Variants in GNAS observed in about 807,000 individuals in gnomAD.
GNAS encodes the protein GNAS complex locus.
In GNAS, 8 loss-of-function variants were observed where a neutral mutation model predicts 54.5. That is an observed-to-expected ratio of 0.15 (90% confidence interval 0.09 to 0.26). The LOEUF (loss-of-function observed/expected upper bound fraction) is 0.26. Among genes scored for constraint, GNAS ranks in the 10% least tolerant of loss-of-function variants. The pLI is 1.00. For missense variants in GNAS, 170 were observed against 529.8 expected (o/e 0.32, Z 6.67); for synonymous variants, 204 against 191.4 (o/e 1.07, Z -0.54).
At chr20:58,896,518 C>A (rs1406861722) in intron 2 of GNAS, among the ~76,000 whole-genome samples, 1 of 151,924 alleles carries the variant, frequency 6.6e-6, no homozygotes, top group Admixed American at 6.6e-5. Flanking sequence ...CCCTGCCTGG[C>A]ATGGGGAATG....
chr20:58,855,102 G>A (rs772491045), intron 1 of GNAS: 8 of 1,613,524 alleles, frequency 5.0e-6, no homozygotes, highest in Non-Finnish European at 6.8e-6. Context: ...CAACTTTCTC[G>A]TGCAAGCCTT....
Position 58,891,493 on chromosome 20 carries a change from G to C in GNAS, c.-234G>C, listed in dbSNP as rs2089303129. ...CCATCAGCCCCCTCGGCCTCGGCTC[G>C]AGGGGCGGGGAGCTGCGCGCGCCCC... On this transcript the variant is annotated 5_prime_UTR_variant, in exon 1 of 13. Transcript: ENST00000371085. 6 of 968,034 alleles carry C rather than the reference G, an allele frequency of 6.2e-6. No individual in the cohort carries two copies. The highest frequency in any genetic ancestry group is 7.3e-6 in the Non-Finnish European group (6 of 817,078). 60.0% of individuals were successfully genotyped at this position (968,034 alleles called of 1,614,324 possible).
Position 58,873,727 on chromosome 20 carries a change from G to GT in GNAS, c.44-21884dup, listed in dbSNP as rs1166557256. 1.3e-5 allele frequency among the ~76,000 whole-genome samples: 2 copies of GT among 152,172 alleles called. No individual in the cohort carries two copies. Among genetic ancestry groups the GT allele is most frequent in the African/African-American group, 4.8e-5 (2 of 41,434 alleles). On this transcript the variant is annotated intron_variant, in intron 1 of 12. Transcript: ENST00000306090. This position sits in a 1 kb window ranked among gnomAD's most constrained non-coding sequence, Gnocchi z 4.3. ...ATTTGTTCATTCATTCGATATACAT[G>GT]TATTGAGTGCCAAATATGTGCCCTT...
In GNAS at chr20:58,903,651, G is replaced by GA. The variant is rs2090844894; in HGVS notation, c.313-21_313-20insA. On this transcript the variant is annotated intron_variant, in intron 4 of 12. Transcript: ENST00000371085. The stretch of plus-strand genomic sequence containing the variant: ...TCCCAGCCAGTGCTGTTCCCTGACC[G>GA]CTTTGCTAAATCATTTTCAGACCAT... 4 of 1,613,916 alleles carry GA rather than the reference G, an allele frequency of 2.5e-6. No homozygotes were observed. Among genetic ancestry groups the GA allele is most frequent in the Non-Finnish European group, 3.4e-6 (4 of 1,180,002 alleles).
upstream of GNAS, chr20:58,840,077 A>C (rs1339739956): frequency 1.9e-6 from 3 of 1,607,336 alleles, no homozygotes; most frequent in Admixed American, 5.0e-5. This position sits in a 1 kb window ranked among gnomAD's most constrained non-coding sequence, Gnocchi z 6.0. Flanking sequence ...GCCAGAGGGC[A>C]GGCCGGCTTC....
At chr20:58,898,024 G>GT (rs2090230013) in intron 2 of GNAS, 1 of 152,176 alleles carries the variant, frequency 6.6e-6, no homozygotes. Context: ...ATTTTTAAGA[G>GT]TAAGATAATA....
intron 1 of GNAS, among the ~76,000 whole-genome samples, chr20:58,894,928 A>G (rs1168801985): frequency 6.6e-6 from 1 of 152,206 alleles, no homozygotes; most frequent in East Asian, 1.9e-4. Context: ...TTTCCTCAGC[A>G]ACATAGTTGT....
At chr20:58,868,453 T>A (rs2087204196) in intron 1 of GNAS, among the ~76,000 whole-genome samples, 1 of 139,144 alleles carries the variant, frequency 7.2e-6, no homozygotes, top group Non-Finnish European at 1.5e-5. Context: ...CGCAGCCAGC[T>A]TTTTTTTTTT....
At chr20:58,848,733 G>A (rs937651111) in intron 1 of GNAS, 36 of 393,074 alleles carry the variant, frequency 9.2e-5, no homozygotes, top group Middle Eastern at 1.3e-3. Flanking sequence ...CCCACTAGCC[G>A]ATCACCCCCA....
At chr20:58,878,658 T>C (rs995770917) in intron 1 of GNAS, among the ~76,000 whole-genome samples, 1 of 152,174 alleles carries the variant, frequency 6.6e-6, no homozygotes, top group Non-Finnish European at 1.5e-5. Flanking sequence ...GTGGTGATTC[T>C]GCCTGCTACA....
At chr20:58,898,793 A>G (rs957396679) in intron 2 of GNAS, 148 bp from the exon 3 acceptor site, 9 of 791,130 alleles carry the variant, frequency 1.1e-5, no homozygotes, top group African/African-American at 1.0e-4. Flanking sequence ...AAGGCGACCT[A>G]AGAATTGCCG....
intron 1 of GNAS, among the ~76,000 whole-genome samples, chr20:58,878,912 T>TGGGGGGGGGTGGGGGGGGGGGGGGGG (rs11086659): frequency 1.0e-5 from 1 of 95,324 alleles, no homozygotes; most frequent in Non-Finnish European, 2.2e-5. Flanking sequence ...GGGGTGCGGG[T>TGGGGGGGGGTGGGGGGGGGGGGGGGG]GGGGGGGGGA....
At chr20:58,854,505 G>A (rs775726721) in intron 1 of GNAS, 1 of 1,575,896 alleles carries the variant, frequency 6.3e-7, no homozygotes, top group Non-Finnish European at 8.6e-7. Context: ...TCCCGACTCC[G>A]GGACAGCACC....
At chr20:58,891,909 G>T (rs770793039) in intron 1 of GNAS, 44 bp downstream of exon 1, 1 of 983,366 alleles carries the variant, frequency 1.0e-6, no homozygotes. Flanking sequence ...GGGGGCCCTC[G>T]AAGGGCGCCC....
chr20:58,909,504 GTCC>G lies in GNAS; in HGVS notation c.660-10_660-8del, dbSNP rs756095356. ...CCCAGTCCCTCTGGAATAACCAGCT[GTCC>G]TCCTCCCCACCAGCATGTTTGACGT... is the stretch of plus-strand genomic sequence containing the variant. On this transcript the variant is annotated splice_polypyrimidine_tract_variant and intron_variant, in intron 8 of 12. Coordinates refer to ENST00000371085, the MANE Select transcript of GNAS (RefSeq NM_000516.7). The surrounding 1 kb of genome is among the most constrained non-coding windows in gnomAD (Gnocchi z 7.3). The G allele has an allele frequency of 6.2e-7, 1 of 1,613,906 alleles. No individual in the cohort carries two copies. The highest frequency in any genetic ancestry group is 1.1e-5 in the South Asian group (1 of 91,080).
intron 1 of GNAS, among the ~76,000 whole-genome samples, chr20:58,868,249 T>C (rs1250811554): frequency 6.6e-6 from 1 of 151,938 alleles, no homozygotes; most frequent in African/African-American, 2.4e-5. Context: ...AAACTCCCGA[T>C]CTCAGGTGAT....
chr20:58,890,488 T>C (rs2089086063), upstream of GNAS, among the ~76,000 whole-genome samples: 1 of 151,820 alleles, frequency 6.6e-6, no homozygotes, highest in African/African-American at 2.4e-5. Flanking sequence ...CTCGTGGTGT[T>C]CCTGGTCTTC....
In GNAS at chr20:58,909,270, C is replaced by G. The variant is rs1490619350; in HGVS notation, c.585+54C>G. 3.2e-6 allele frequency: 5 copies of G among 1,585,326 alleles called. No individual in the cohort carries two copies. Among genetic ancestry groups the G allele is most frequent in the Non-Finnish European group, 3.5e-6 (4 of 1,153,840 alleles). On this transcript the variant is annotated intron_variant, in intron 7 of 12. Coordinates refer to ENST00000371085, the MANE Select transcript of GNAS (RefSeq NM_000516.7). The surrounding 1 kb of genome is among the most constrained non-coding windows in gnomAD (Gnocchi z 7.3). ...CTCTGAGCCCTCTTTCCAAACTACT[C>G]CAGACCTTTGCTTTAGATTGGCAAT... is the stretch of plus-strand genomic sequence containing the variant.
intron 1 of GNAS, among the ~76,000 whole-genome samples, chr20:58,893,945 A>G (rs987313898): frequency 6.3e-4 from 96 of 152,254 alleles, no homozygotes; most frequent in Admixed American, 6.2e-3. Flanking sequence ...GTCCTAGTCT[A>G]TATGACTACA....
Sources: gnomAD v4.1 joint callset for allele counts (sites outside exome capture counted in the v4.1 genomes callset) on GRCh38, gnomAD v4.1.1 for gene constraint, Gnocchi (gnomAD v3.1) non-coding constraint, MANE v1.5 for transcripts, NCBI Gene and HGNC (gene_info 2026-07-23, HGNC 2026-07-21) for gene names.